ACSL4: variants seen among roughly 807,000 people sequenced by gnomAD.
ACSL4 encodes long-chain-fatty-acid--CoA ligase 4.
Under a neutral mutation model 49.1 loss-of-function variants are expected in ACSL4, and 9 were observed. The observed-to-expected ratio is 0.18, with a 90% confidence interval of 0.11 to 0.32. The LOEUF (loss-of-function observed/expected upper bound fraction) is 0.32. Among genes scored for constraint, ACSL4 ranks in the 10% least tolerant of loss-of-function variants. ACSL4 has a pLI of 1.00. For synonymous variants in ACSL4, 191 were observed against 170.3 expected (o/e 1.12, Z -0.95); for missense variants, 333 against 493.7 (o/e 0.67, Z 3.08).
At position 109,683,043 on chromosome X, in the gene ACSL4, G is replaced by C. The variant is rs773317881; in HGVS notation, c.228+93C>G. On this transcript the variant is annotated intron_variant, in intron 3 of 15. Transcript: ENST00000672401. Reference sequence around the variant, plus strand: ...AGTAGTTTTACACAGCACTATAATAGAATGCCAGCATACTTAAAACGCACT... The same window carrying C: ...AGTAGTTTTACACAGCACTATAATACAATGCCAGCATACTTAAAACGCACT... The C allele has an allele frequency of 1.2e-4, 128 of 1,042,004 alleles. 1 individual carries two copies. In the South Asian group the frequency reaches 2.3e-3, roughly 19 times the overall value. 85.9% of individuals were successfully genotyped at this position (1,042,004 alleles called of 1,213,427 possible).
intron 1 of ACSL4, among the ~76,000 whole-genome samples, chrX:109,718,730 A>C (rs967631054): frequency 1.8e-5 from 2 of 108,671 alleles, no homozygotes; most frequent in Non-Finnish European, 3.8e-5. Flanking sequence ...CTTGGGTGAA[A>C]GAAGTGAAAC....
intron 15 of ACSL4, among the ~76,000 whole-genome samples, chrX:109,646,679 T>C (rs1315043860): frequency 1.8e-5 from 2 of 110,067 alleles, no homozygotes; most frequent in African/African-American, 3.3e-5. Flanking sequence ...CAATATTAAC[T>C]TTAAATGTAA....
chrX:109,710,651 A>T (rs1926685270), intron 1 of ACSL4, among the ~76,000 whole-genome samples: 1 of 112,488 alleles, frequency 8.9e-6, no homozygotes, highest in South Asian at 3.6e-4. Context: ...GTGACTTTAA[A>T]AAAGTATAGT....
intron 1 of ACSL4, among the ~76,000 whole-genome samples, chrX:109,718,832 T>A (rs1927330851): frequency 9.0e-6 from 1 of 111,276 alleles, no homozygotes; most frequent in African/African-American, 3.3e-5. Flanking sequence ...AAGTACAGAC[T>A]AGATCTCAGA....
chrX:109,645,237 A>C (rs1387629634), intron 15 of ACSL4, among the ~76,000 whole-genome samples: 1 of 113,054 alleles, frequency 8.8e-6, no homozygotes, highest in Non-Finnish European at 1.9e-5. Flanking sequence ...ACAAACAAAA[A>C]GACAGCAGTA....
Position 109,668,237 on chromosome X carries a change from C to G in ACSL4, c.1179G>C (p.Gly393=). 1.7e-6 allele frequency: 2 copies of G among 1,206,872 alleles called. No homozygotes were observed. The highest frequency in any genetic ancestry group is 3.6e-5 in the South Asian group (2 of 56,226). ...LFKKVKALLG[G]NVRMMLSGGA... ...CTCCAGACAGCATCATGCGGACATT[C>G]CCTCCCAGCAGGGCCTTGACCTTTT... is the stretch of plus-strand genomic sequence containing the variant. The change falls in exon 11 of 16, where the codon GGG becomes GGC. Residue 393 remains glycine (G), a synonymous_variant. Transcript: ENST00000672401.
intron 9 of ACSL4, among the ~76,000 whole-genome samples, chrX:109,672,498 A>G (rs1923347235): frequency 8.9e-6 from 1 of 111,937 alleles, no homozygotes; most frequent in South Asian, 3.7e-4. Context: ...ATGATGTTCA[A>G]TGGAGCCACA....
At chrX:109,648,709 C>A (rs1934859442) in intron 15 of ACSL4, among the ~76,000 whole-genome samples, 1 of 107,369 alleles carries the variant, frequency 9.3e-6, no homozygotes, top group African/African-American at 3.4e-5. Context: ...AAAGGGTATT[C>A]AATTAGGAAA....
intron 1 of ACSL4, among the ~76,000 whole-genome samples, chrX:109,705,795 T>G (rs1226946951): frequency 8.9e-6 from 1 of 112,450 alleles, no homozygotes; most frequent in Non-Finnish European, 1.9e-5. Context: ...CCTCCCGGGT[T>G]CAAGCGATTC....
At chrX:109,667,161 C>T (rs1922722169) in intron 11 of ACSL4, among the ~76,000 whole-genome samples, 1 of 112,399 alleles carries the variant, frequency 8.9e-6, no homozygotes, top group South Asian at 3.6e-4. Flanking sequence ...ATTTTGGACA[C>T]AATGAGTTTA....
intron 1 of ACSL4, among the ~76,000 whole-genome samples, chrX:109,703,513 C>T (rs1441465106): frequency 3.6e-5 from 4 of 111,619 alleles, no homozygotes; most frequent in Non-Finnish European, 7.5e-5. Flanking sequence ...TTCATATTCC[C>T]ACCGGCAGTA....
chrX:109,644,340 A>T (rs5985750), intron 15 of ACSL4, among the ~76,000 whole-genome samples, 154 bp from the exon 16 acceptor site: 1,863 of 110,435 alleles, frequency 0.017, 37 homozygotes, highest in East Asian at 0.061. Context: ...ATCACCAATC[A>T]CCACAAACTT....
chrX:109,707,965 G>A (rs1926482868), intron 1 of ACSL4, among the ~76,000 whole-genome samples: 1 of 110,602 alleles, frequency 9.0e-6, no homozygotes, highest in Admixed American at 9.6e-5. Flanking sequence ...TTTTTATTGA[G>A]ACAAGGTCTT....
In ACSL4 at chrX:109,647,383, T is replaced by C. The variant is rs1934767847; in HGVS notation, c.1856-3197A>G. Among the ~76,000 whole-genome samples the C allele has an allele frequency of 2.7e-5, 3 of 111,530 alleles. No individual in the cohort carries two copies. In the Admixed American group the frequency reaches 2.9e-4, roughly 11 times the overall value. ...GATTAAGAATCTCACTCAAAACCGG[T>C]CAACTACATGGAAACTGAACAACCT... On this transcript the variant is annotated intron_variant, in intron 15 of 15. Coordinates refer to ENST00000672401, the MANE Select transcript of ACSL4 (RefSeq NM_001318510.2).
At chrX:109,705,091 T>C (rs1264425156) in intron 1 of ACSL4, among the ~76,000 whole-genome samples, 3 of 111,784 alleles carry the variant, frequency 2.7e-5, no homozygotes, top group Non-Finnish European at 3.8e-5. Context: ...GCTTTTTGTA[T>C]GTCAATCCTA....
chrX:109,693,552 G>C (rs1683948983), intron 2 of ACSL4, among the ~76,000 whole-genome samples: 1 of 112,018 alleles, frequency 8.9e-6, no homozygotes, highest in Admixed American at 9.5e-5. Context: ...CCAAATATAA[G>C]AAGCCATGGA....
chrX:109,679,139 A>T (rs1314638560), intron 6 of ACSL4, among the ~76,000 whole-genome samples: 2 of 112,191 alleles, frequency 1.8e-5, no homozygotes, highest in Non-Finnish European at 3.8e-5. Flanking sequence ...CAGATTCAAT[A>T]TGTCTGGGAT....
intron 15 of ACSL4, 88 bp downstream of exon 15, chrX:109,659,266 T>G (rs1921963983): frequency 3.4e-6 from 3 of 876,613 alleles, no homozygotes; most frequent in Non-Finnish European, 4.9e-6. Flanking sequence ...TATTTTATTA[T>G]TAAAGCAAAC....
At chrX:109,700,739 A>T (rs1328821259) in intron 1 of ACSL4, among the ~76,000 whole-genome samples, 1 of 111,239 alleles carries the variant, frequency 9.0e-6, no homozygotes, top group Non-Finnish European at 1.9e-5. Context: ...TAACTTTTTT[A>T]AAAAGTTTTT....
Sources: allele counts gnomAD v4.1 joint callset (sites outside exome capture counted in the v4.1 genomes callset), GRCh38; gene constraint gnomAD v4.1.1; transcripts MANE v1.5; gene names NCBI Gene and HGNC (gene_info 2026-07-23, HGNC 2026-07-21).